BRAF: variants seen among roughly 807,000 people sequenced by gnomAD.
BRAF encodes B-Raf proto-oncogene, serine/threonine kinase, also known as serine/threonine-protein kinase B-raf.
A neutral mutation model predicts 104.6 loss-of-function variants in BRAF; 16 were observed. The ratio of observed to expected loss-of-function variants is 0.15; its 90% CI spans 0.10 to 0.23. The LOEUF (loss-of-function observed/expected upper bound fraction) is 0.23. Among genes scored for constraint, BRAF ranks in the 10% least tolerant of loss-of-function variants. BRAF has a pLI of 1.00. For missense variants in BRAF, 541 were observed against 937.3 expected, an observed-to-expected ratio of 0.58 and a Z score of 5.52; for synonymous variants, 310 against 341.6, an observed-to-expected ratio of 0.91 and a Z score of 1.02.
chr7:140,897,125 T>C (rs765341910), intron 1 of BRAF, among the ~76,000 whole-genome samples: 23 of 151,750 alleles, frequency 1.5e-4, no homozygotes, highest in Non-Finnish European at 3.2e-4. Flanking sequence ...CTTCTAATGG[T>C]CACGTGGAAG....
chr7:140,714,313 C>T, the BRAF span, among the ~76,000 whole-genome samples: 1 of 152,198 alleles, frequency 6.6e-6, no homozygotes, highest in Non-Finnish European at 1.5e-5. Context: ...TGTTGCAAAG[C>T]ACTTTCCAAC....
At chr7:140,865,080 A>AT (rs558097762) in intron 1 of BRAF, among the ~76,000 whole-genome samples, 26,501 of 144,598 alleles carry the variant, frequency 0.18, 4,245 homozygotes, top group African/African-American at 0.45. Flanking sequence ...GAGGAAATGA[A>AT]TTTTTTTTTT....
chr7:140,718,076 C>T (rs1795174758), downstream of BRAF, among the ~76,000 whole-genome samples: 1 of 152,120 alleles, frequency 6.6e-6, no homozygotes, highest in African/African-American at 2.4e-5. Context: ...TCATATTATT[C>T]TCAGACATAA....
At chr7:140,754,308 G>A (rs1035343667) in intron 14 of BRAF, 75 bp from the exon 14 acceptor site, 4 of 1,285,082 alleles carry the variant, frequency 3.1e-6, no homozygotes, top group African/African-American at 1.5e-5. Flanking sequence ...AACATACTTG[G>A]GGGTGTAAAG....
chr7:140,864,912 G>A (rs747360825), intron 1 of BRAF, among the ~76,000 whole-genome samples: 4 of 152,092 alleles, frequency 2.6e-5, no homozygotes, highest in Admixed American at 1.3e-4. Context: ...AATGGTCTTC[G>A]ATAACAAATG....
chr7:140,736,481 G>C (rs1019308066), intron 18 of BRAF, among the ~76,000 whole-genome samples: 1 of 150,568 alleles, frequency 6.6e-6, no homozygotes, highest in Non-Finnish European at 1.5e-5. Flanking sequence ...AGGCTGGAGT[G>C]CAATGGTGCG....
chr7:140,867,095 T>C (rs756501466), intron 1 of BRAF, among the ~76,000 whole-genome samples: 30 of 152,184 alleles, frequency 2.0e-4, no homozygotes, highest in Admixed American at 3.3e-4. Flanking sequence ...AAAAATATTA[T>C]GCAATACACA....
At chr7:140,877,799 G>T (rs1388996350) in intron 1 of BRAF, among the ~76,000 whole-genome samples, 1 of 151,890 alleles carries the variant, frequency 6.6e-6, no homozygotes, top group Non-Finnish European at 1.5e-5. Context: ...AACTCTCACA[G>T]GATAAAAGAT....
rs577262443 is a variant in BRAF at position 140,794,075 on chromosome 7, T to C, written c.1140+233A>G. Among the ~76,000 whole-genome samples the C allele has an allele frequency of 7.9e-5, 12 of 152,286 alleles. No individual in the cohort carries two copies. In the East Asian group the frequency reaches 9.6e-4, roughly 12 times the overall value. ...GAAGATGACTTTTATAGAGATGGTA[T>C]CATAAGGGAAAAAAATCAGAGTGAC... is the stretch of plus-strand genomic sequence containing the variant. On this transcript the variant is annotated intron_variant, in intron 8 of 19. Coordinates refer to ENST00000644969, the MANE Select transcript of BRAF (RefSeq NM_001374258.1).
intron 19 of BRAF, chr7:140,734,406 T>C (rs2130865918): frequency 6.8e-7 from 1 of 1,470,500 alleles, no homozygotes; most frequent in Non-Finnish European, 8.9e-7. Context: ...AACCCTTGGA[T>C]GTTAAAAATC....
At chr7:140,730,112 G>A (rs1795852948) in intron 19 of BRAF, among the ~76,000 whole-genome samples, 1 of 152,038 alleles carries the variant, frequency 6.6e-6, no homozygotes, top group African/African-American at 2.4e-5. Flanking sequence ...AACAGGTGAT[G>A]AATCTGCTTT....
chr7:140,918,192 A>G (rs1388425566), intron 1 of BRAF, among the ~76,000 whole-genome samples: 1 of 152,208 alleles, frequency 6.6e-6, no homozygotes, highest in East Asian at 1.9e-4. Context: ...TAAATGAAGA[A>G]CTTCAATAGT....
chr7:140,895,861 G>C (rs1814828220), intron 1 of BRAF, among the ~76,000 whole-genome samples: 1 of 152,026 alleles, frequency 6.6e-6, no homozygotes, highest in Non-Finnish European at 1.5e-5. Flanking sequence ...TGGCTACTGT[G>C]AATAGTGTGC....
At position 140,768,645 on chromosome 7, in the gene BRAF, T is replaced by C. The variant is rs139644281; in HGVS notation, c.1814+8267A>G. Among the ~76,000 whole-genome samples, 102 of 152,208 alleles carry C rather than the reference T, an allele frequency of 6.7e-4. 1 individual carries two copies. In the East Asian group the frequency reaches 0.012, roughly 18 times the overall value. On this transcript the variant is annotated intron_variant, in intron 14 of 19. Coordinates refer to ENST00000644969, the MANE Select transcript of BRAF (RefSeq NM_001374258.1). ...AGTATCTGGGGCTACAGGAGTGTGC[T>C]ACCATGCTTGGCTAATTAAAAAAAA...
At chr7:140,834,152 T>C (rs926776469) in intron 3 of BRAF, 5 of 200,296 alleles carry the variant, frequency 2.5e-5, no homozygotes, top group African/African-American at 9.4e-5. Flanking sequence ...CAGGGTACGC[T>C]GTTCCAATGG....
chr7:140,843,146 C>T (rs1808162160), intron 2 of BRAF, among the ~76,000 whole-genome samples: 1 of 152,170 alleles, frequency 6.6e-6, no homozygotes, highest in Non-Finnish European at 1.5e-5. Flanking sequence ...GAAATGTAAG[C>T]ATAGTCACTA....
intron 1 of BRAF, among the ~76,000 whole-genome samples, chr7:140,900,461 G>T (rs928319225): frequency 2.0e-5 from 3 of 152,218 alleles, no homozygotes; most frequent in Non-Finnish European, 4.4e-5. Flanking sequence ...GGTAGGCATT[G>T]TTCCAGCAAG....
intron 1 of BRAF, among the ~76,000 whole-genome samples, chr7:140,912,558 C>CT (rs1423215005): frequency 3.3e-5 from 5 of 152,086 alleles, no homozygotes; most frequent in Non-Finnish European, 5.9e-5. Flanking sequence ...TCTTCTTTTT[C>CT]TTATCATTAA....
intron 1 of BRAF, among the ~76,000 whole-genome samples, chr7:140,906,706 T>G (rs1816366822): frequency 6.6e-6 from 1 of 152,350 alleles, no homozygotes; most frequent in South Asian, 2.1e-4. Context: ...TGTAGAGGGA[T>G]AATTCTTTGC....
Sources: gnomAD v4.1 joint callset for allele counts (sites outside exome capture counted in the v4.1 genomes callset) on GRCh38, gnomAD v4.1.1 for gene constraint, MANE v1.5 for transcripts, NCBI Gene and HGNC (gene_info 2026-07-23, HGNC 2026-07-21) for gene names.